Variants in EPHA6 observed in about 807,000 individuals in gnomAD.
The protein encoded by EPHA6 is EPH receptor A6, also known as ephrin type-A receptor 6.
EPHA6 carries 50 observed loss-of-function variants against 112.0 expected under a neutral mutation model. That is an observed-to-expected ratio of 0.45 (90% CI 0.36 to 0.56). The LOEUF (loss-of-function observed/expected upper bound fraction) is 0.56, where lower values mean the gene tolerates loss of function less well. Among genes scored for constraint, EPHA6 ranks in the 20% least tolerant of loss-of-function variants. The probability of loss-of-function intolerance (pLI) is 0.00; values close to 1 mark genes in which losing one functional copy is unlikely to be tolerated. For synonymous variants in EPHA6, 529 were observed against 490.7 expected (o/e 1.08, Z -1.03); for missense variants, 1,280 against 1,417.4 (o/e 0.90, Z 1.56).
chr3:97,348,684 A>C, intron 5 of EPHA6, among the ~76,000 whole-genome samples: 1 of 152,228 alleles, frequency 6.6e-6, no homozygotes, highest in South Asian at 2.1e-4. Context: ...TAGGTAAAAT[A>C]TTAAATATAT....
At chr3:97,005,639 A>T (rs947442336) in intron 3 of EPHA6, among the ~76,000 whole-genome samples, 1 of 152,128 alleles carries the variant, frequency 6.6e-6, no homozygotes, top group African/African-American at 2.4e-5. Flanking sequence ...CCTGGCCAGA[A>T]CTTCCAATAC....
At chr3:97,412,673 A>T (rs2087808986) in intron 6 of EPHA6, among the ~76,000 whole-genome samples, 1 of 152,094 alleles carries the variant, frequency 6.6e-6, no homozygotes, top group Non-Finnish European at 1.5e-5. Flanking sequence ...AGAAGTACAT[A>T]AAAAGATAAG....
intron 14 of EPHA6, among the ~76,000 whole-genome samples, chr3:97,708,656 G>A (rs946528545): frequency 2.0e-5 from 3 of 152,226 alleles, no homozygotes; most frequent in African/African-American, 7.2e-5. Flanking sequence ...GGGCATTTCA[G>A]AGATCTTCAT....
Position 97,676,972 on chromosome 3 carries a change from C to G in EPHA6, c.2784+38890C>G, listed in dbSNP as rs531101215. 4.5e-4 allele frequency among the ~76,000 whole-genome samples: 69 copies of G among 152,088 alleles called. 1 individual carries two copies. The highest frequency in any genetic ancestry group is 1.6e-3 in the African/African-American group (65 of 41,468). On this transcript the variant is annotated intron_variant, in intron 14 of 17. Coordinates refer to ENST00000389672, the MANE Select transcript of EPHA6 (RefSeq NM_001080448.3). ...AGGATTTTGCTGTACAATGTGGCAGCCATGAGCCACATATATCTATTGAAC... is the reference window on the plus strand; with the variant it reads ...AGGATTTTGCTGTACAATGTGGCAGGCATGAGCCACATATATCTATTGAAC...
rs929260111 is a variant in EPHA6 at position 97,481,564 on chromosome 3, G to A, written c.2074+2200G>A. The A allele has an allele frequency of 1.2e-5, 8 of 652,856 alleles. No individual in the cohort carries two copies. The African/African-American group carries it at 1.3e-4, about 10-fold the overall frequency. 40.4% of individuals were successfully genotyped at this position (652,856 alleles called of 1,614,324 possible). ...CCCTAGAGCCGCCGGGGCGCGGCGC[G>A]TCCGGCGCTGGGGGACTGTTGGGTC... On this transcript the variant is annotated intron_variant, in intron 9 of 17. Coordinates refer to ENST00000389672, the MANE Select transcript of EPHA6 (RefSeq NM_001080448.3).
rs368489198 is a variant in EPHA6, at chr3:97,665,922, G to T, written c.2784+27840G>T. ...AACACAAAAAATTAGCCAGGTGTGA[G>T]AGTGTGTGCCTGTAATCCCAGCTAC... On this transcript the variant is annotated intron_variant, in intron 14 of 17. Transcript: ENST00000389672. 9.2e-5 allele frequency among the ~76,000 whole-genome samples: 14 copies of T among 152,120 alleles called. No homozygotes were observed. In the South Asian group the frequency reaches 2.7e-3, roughly 29 times the overall value.
At chr3:96,992,149 C>G (rs192754792) in intron 3 of EPHA6, among the ~76,000 whole-genome samples, 1 of 152,086 alleles carries the variant, frequency 6.6e-6, no homozygotes, top group African/African-American at 2.4e-5. Flanking sequence ...TGATCAACAA[C>G]GTTATGAAGT....
At chr3:97,678,909 G>GTA (rs1206182271) in intron 14 of EPHA6, among the ~76,000 whole-genome samples, 2 of 152,076 alleles carry the variant, frequency 1.3e-5, no homozygotes, top group Non-Finnish European at 1.5e-5. Context: ...AAGTCAGTGT[G>GTA]TACCTTTGTG....
chr3:97,133,641 A>G (rs940278599), intron 3 of EPHA6, among the ~76,000 whole-genome samples: 1 of 152,026 alleles, frequency 6.6e-6, no homozygotes, highest in Non-Finnish European at 1.5e-5. Flanking sequence ...CTGAATATAT[A>G]GACCAGGAAA....
chr3:97,552,844 T>C (rs1247663007), intron 11 of EPHA6, among the ~76,000 whole-genome samples: 1 of 152,196 alleles, frequency 6.6e-6, no homozygotes. Flanking sequence ...ACTTATTAGT[T>C]TTTGAAAATG....
intron 14 of EPHA6, among the ~76,000 whole-genome samples, chr3:97,675,921 A>G (rs2031333484): frequency 6.6e-6 from 1 of 152,206 alleles, no homozygotes; most frequent in Non-Finnish European, 1.5e-5. Context: ...TACAGCTAAC[A>G]GCATTCCTAT....
At chr3:96,889,182 A>G (rs2107534117) in intron 2 of EPHA6, among the ~76,000 whole-genome samples, 1 of 152,278 alleles carries the variant, frequency 6.6e-6, no homozygotes, top group East Asian at 1.9e-4. Context: ...AAGCCTTTCA[A>G]CAAGTCTCTA....
chr3:97,195,777 T>G (rs925644627), intron 3 of EPHA6, among the ~76,000 whole-genome samples: 1 of 152,058 alleles, frequency 6.6e-6, no homozygotes, highest in Non-Finnish European at 1.5e-5. Context: ...AGGGTAAAAG[T>G]TTTTTCTTTA....
At chr3:96,955,255 A>T (rs990131308) in intron 2 of EPHA6, among the ~76,000 whole-genome samples, 1 of 152,166 alleles carries the variant, frequency 6.6e-6, no homozygotes, top group Non-Finnish European at 1.5e-5. Flanking sequence ...CTCCAAAAAG[A>T]CACATCACAT....
intron 3 of EPHA6, among the ~76,000 whole-genome samples, chr3:97,050,090 A>T (rs1186826606): frequency 6.6e-6 from 1 of 152,190 alleles, no homozygotes; most frequent in African/African-American, 2.4e-5. Flanking sequence ...TTCTTCTGCT[A>T]ATCTCTCTTT....
intron 2 of EPHA6, among the ~76,000 whole-genome samples, chr3:96,936,106 G>A (rs2040567875): frequency 6.6e-6 from 1 of 152,052 alleles, no homozygotes; most frequent in African/African-American, 2.4e-5. Flanking sequence ...TCCTCTGGAT[G>A]TACATGCTGC....
intron 14 of EPHA6, among the ~76,000 whole-genome samples, chr3:97,657,867 A>G (rs1256691669): frequency 6.6e-6 from 1 of 151,746 alleles, no homozygotes; most frequent in Non-Finnish European, 1.5e-5. Context: ...GTGATTGTGA[A>G]ACAGGTTATC....
At chr3:96,947,945 G>A (rs2041355102) in intron 2 of EPHA6, among the ~76,000 whole-genome samples, 1 of 152,092 alleles carries the variant, frequency 6.6e-6, no homozygotes, top group Non-Finnish European at 1.5e-5. Context: ...TGCCAAGACA[G>A]TCCTAAGCCA....
intron 5 of EPHA6, among the ~76,000 whole-genome samples, chr3:97,371,204 A>AT (rs773438106): frequency 2.0e-5 from 3 of 151,982 alleles, no homozygotes; most frequent in Non-Finnish European, 4.4e-5. Flanking sequence ...TGCAAGCTTT[A>AT]TGTTTTTAAA....
Sources: allele counts gnomAD v4.1 joint callset (sites outside exome capture counted in the v4.1 genomes callset), GRCh38; gene constraint gnomAD v4.1.1; transcripts MANE v1.5; gene names NCBI Gene and HGNC (gene_info 2026-07-23, HGNC 2026-07-21).